SNED1: variants seen among roughly 807,000 people sequenced by gnomAD.
SNED1 encodes the protein sushi, nidogen and EGF-like domain-containing protein 1.
Under a neutral mutation model 166.7 loss-of-function variants are expected in SNED1, and 81 were observed. The ratio of observed to expected loss-of-function variants is 0.49; its 90% CI spans 0.41 to 0.58. The LOEUF is 0.58. Among genes scored for constraint, SNED1 ranks in the 20% least tolerant of loss-of-function variants. The pLI is 0.00. For missense variants in SNED1, 1,604 were observed against 2,000.2 expected (o/e 0.80, Z 3.78); for synonymous variants, 762 against 822.0 (o/e 0.93, Z 1.25).
intron 2 of SNED1, among the ~76,000 whole-genome samples, chr2:241,032,242 C>T (rs928525535): frequency 4.0e-5 from 6 of 151,878 alleles, no homozygotes; most frequent in Non-Finnish European, 8.8e-5. Context: ...CCCAGCTACT[C>T]GGGAGGCTGA....
At position 240,999,177 on chromosome 2, in the gene SNED1, T is replaced by G. The variant is rs2060001248; in HGVS notation, c.213+127T>G. The G allele has an allele frequency of 4.4e-6, 2 of 456,506 alleles. No individual in the cohort carries two copies. 28.3% of individuals were successfully genotyped at this position (456,506 alleles called of 1,614,324 possible). ...GGCACCGGGGCGGCCCGAGGTGGAA[T>G]GAGGACAGCGCTTCCTCCTCGGCGG... On this transcript the variant is annotated intron_variant, in intron 1 of 31. Coordinates refer to ENST00000310397, the MANE Select transcript of SNED1 (RefSeq NM_001080437.3). The surrounding 1 kb of genome is among the most constrained non-coding windows in gnomAD (Gnocchi z 5.8).
At chr2:241,049,676 G>A (rs953416283) in intron 11 of SNED1, 141 bp from the exon 12 acceptor site, 1 of 633,568 alleles carries the variant, frequency 1.6e-6, no homozygotes, top group Non-Finnish European at 2.8e-6. Context: ...GAATCAAGAT[G>A]CCCACAGAGT....
rs1021508524 is a variant in SNED1, at chr2:241,095,414, A to T, written c.*3778A>T. On this transcript the variant is annotated 3_prime_UTR_variant, in exon 32 of 32. Coordinates refer to ENST00000310397, the MANE Select transcript of SNED1 (RefSeq NM_001080437.3). ...TTGCTGGCCTTAAGAAGCCATGCAAAATTAACCAGTACATCATGAATTAAC... is the reference window on the plus strand; with the variant it reads ...TTGCTGGCCTTAAGAAGCCATGCAATATTAACCAGTACATCATGAATTAAC... 2 of 152,856 alleles carry T rather than the reference A, an allele frequency of 1.3e-5. No homozygotes were observed. Among genetic ancestry groups the T allele is most frequent in the Non-Finnish European group, 2.9e-5 (2 of 68,188 alleles). The allele number at this position is 152,856 out of a possible 1,614,324, so 9.5% of individuals were successfully genotyped here.
rs369863250 is a variant in SNED1, at chr2:241,087,540, C to CA, written c.4205+65_4205+66insA. On this transcript the variant is annotated intron_variant, in intron 30 of 31. Transcript: ENST00000310397. ...AGCCCACAGGGTGATGGGGCAAGGG[C>CA]GGGGTGCTATGGGATGCTGCAGGCC... is the stretch of plus-strand genomic sequence containing the variant. 6.4e-5 allele frequency: 98 copies of CA among 1,533,792 alleles called. No individual in the cohort carries two copies. The African/African-American group carries it at 1.2e-3, about 18-fold the overall frequency.
intron 1 of SNED1, among the ~76,000 whole-genome samples, chr2:241,003,633 A>G (rs2060136546): frequency 2.6e-5 from 4 of 152,330 alleles, no homozygotes. Flanking sequence ...GGCCTGACCC[A>G]TGGCACAGGC....
chr2:240,998,697 C>CGCGGAGCCCCCGACGGCGCGGCCA lies in SNED1; in HGVS notation c.-136_-113dup. ...GCGGCCCGGCCGAACGGGCGCGGGA[C>CGCGGAGCCCCCGACGGCGCGGCCA]GCGGAGCCCCCGACGGCGCGGCCAG... On this transcript the variant is annotated 5_prime_UTR_variant, in exon 1 of 32. Transcript: ENST00000310397. The CGCGGAGCCCCCGACGGCGCGGCCA allele has an allele frequency of 1.1e-5, 2 of 175,984 alleles. No individual in the cohort carries two copies. Among genetic ancestry groups the CGCGGAGCCCCCGACGGCGCGGCCA allele is most frequent in the South Asian group, 3.7e-4 (2 of 5,336 alleles). The allele number at this position is 175,984 out of a possible 1,614,324, so 10.9% of individuals were successfully genotyped here.
intron 16 of SNED1, among the ~76,000 whole-genome samples, chr2:241,060,475 C>T (rs755323655): frequency 6.6e-6 from 1 of 152,142 alleles, no homozygotes; most frequent in Non-Finnish European, 1.5e-5. Flanking sequence ...AGCCACCATG[C>T]CCGTCCCTAA....
chr2:241,068,777 A>C lies in SNED1; in HGVS notation c.3195-134A>C. 1 of 636,670 alleles carries C rather than the reference A, an allele frequency of 1.6e-6. No individual in the cohort carries two copies. Among genetic ancestry groups the C allele is most frequent in the East Asian group, 2.8e-5 (1 of 35,682 alleles). The allele number at this position is 636,670 out of a possible 1,614,324, so 39.4% of individuals were successfully genotyped here. A position where few individuals can be genotyped will look rare whatever the true frequency, so the allele number is the denominator to read the frequency against. ...AGGGCCATGAGTCTGCCCCTCGTGGAGGTTGCCTGGGCCACCAGCAGCAGG... is the reference window on the plus strand; with the variant it reads ...AGGGCCATGAGTCTGCCCCTCGTGGCGGTTGCCTGGGCCACCAGCAGCAGG... On this transcript the variant is annotated intron_variant, in intron 22 of 31. Transcript: ENST00000310397. This position sits in a 1 kb window ranked among gnomAD's most constrained non-coding sequence, Gnocchi z 5.3.
At chr2:241,025,824 G>A (rs1339232160) in intron 1 of SNED1, among the ~76,000 whole-genome samples, 1 of 151,918 alleles carries the variant, frequency 6.6e-6, no homozygotes, top group African/African-American at 2.4e-5. Context: ...TTGTATATGA[G>A]AAGTCAGCTG....
At chr2:241,005,877 T>C (rs1240953487) in intron 1 of SNED1, among the ~76,000 whole-genome samples, 1 of 152,118 alleles carries the variant, frequency 6.6e-6, no homozygotes, top group Non-Finnish European at 1.5e-5. Context: ...GTTGTAGGGC[T>C]TTAAAAATAT....
intron 1 of SNED1, among the ~76,000 whole-genome samples, chr2:241,006,631 T>A (rs2060228495): frequency 6.6e-6 from 1 of 152,248 alleles, no homozygotes; most frequent in South Asian, 2.1e-4. Context: ...ATAGCACATA[T>A]TTCCGTGTGT....
At chr2:241,027,719 T>C (rs894757431) in intron 1 of SNED1, among the ~76,000 whole-genome samples, 1 of 151,566 alleles carries the variant, frequency 6.6e-6, no homozygotes, top group African/African-American at 2.4e-5. Context: ...CACCAACCCT[T>C]GTTATTTTCT....
At chr2:241,081,348 C>T (rs1270267228) in intron 27 of SNED1, among the ~76,000 whole-genome samples, 1 of 152,180 alleles carries the variant, frequency 6.6e-6, no homozygotes, top group Non-Finnish European at 1.5e-5. Context: ...GGCCACAGGC[C>T]AGTGGGGGCT....
At chr2:241,012,878 C>G (rs1367163318) in intron 1 of SNED1, among the ~76,000 whole-genome samples, 1 of 150,414 alleles carries the variant, frequency 6.6e-6, no homozygotes, top group South Asian at 2.1e-4. Context: ...CTCTTTCGCC[C>G]AGGCTGGAGT....
At position 241,059,119 on chromosome 2, in the gene SNED1, G is replaced by A. The variant is rs527896122; in HGVS notation, c.2258-3672G>A. 7.2e-5 allele frequency among the ~76,000 whole-genome samples: 11 copies of A among 152,326 alleles called. 1 individual carries two copies. Among genetic ancestry groups the A allele is most frequent in the African/African-American group, 2.6e-4 (11 of 41,570 alleles). ...ACTTAAAGGACAAGAGAACACCTAT[G>A]AGCAATTTTAGGCCAATGTATCTGA... On this transcript the variant is annotated intron_variant, in intron 16 of 31. Transcript: ENST00000310397.
chr2:241,091,544 G>C lies in SNED1; in HGVS notation c.*2-94G>C, dbSNP rs916516666. The C allele has an allele frequency of 3.0e-5, 4 of 133,926 alleles. No individual in the cohort carries two copies. The highest frequency in any genetic ancestry group is 1.3e-4 in the African/African-American group (4 of 29,782). The allele number at this position is 133,926 out of a possible 1,614,324, so 8.3% of individuals were successfully genotyped here. ...GGGTCCTCTGGGTGACAGAGGCCCTGAGGGCCACTAAGAGAAGCAGGAAGC... is the reference window on the plus strand; with the variant it reads ...GGGTCCTCTGGGTGACAGAGGCCCTCAGGGCCACTAAGAGAAGCAGGAAGC... On this transcript the variant is annotated intron_variant, in intron 31 of 31. Coordinates refer to ENST00000310397, the MANE Select transcript of SNED1 (RefSeq NM_001080437.3). This position sits in a 1 kb window ranked among gnomAD's most constrained non-coding sequence, Gnocchi z 4.1.
upstream of SNED1, among the ~76,000 whole-genome samples, chr2:240,998,544 C>T (rs1248125785): frequency 1.3e-5 from 2 of 152,040 alleles, no homozygotes; most frequent in East Asian, 1.9e-4. Context: ...TAAGAGACGC[C>T]CGATTTGCAT....
chr2:241,085,860 C>CTTTTTT (rs772995766), intron 29 of SNED1, among the ~76,000 whole-genome samples: 32 of 79,150 alleles, frequency 4.0e-4, no homozygotes, highest in Non-Finnish European at 5.0e-4. Flanking sequence ...TCTGCGGTTT[C>CTTTTTT]TTTTTTTTTT....
intron 24 of SNED1, 46 bp downstream of exon 24, chr2:241,070,247 G>GCCCTCCA: frequency 1.9e-6 from 3 of 1,549,898 alleles, no homozygotes; most frequent in Non-Finnish European, 2.6e-6. Context: ...GTGTTTGCCA[G>GCCCTCCA]CCCTCCACCC....
Sources: gnomAD v4.1 joint callset for allele counts (sites outside exome capture counted in the v4.1 genomes callset) on GRCh38, gnomAD v4.1.1 for gene constraint, Gnocchi (gnomAD v3.1) non-coding constraint, MANE v1.5 for transcripts, NCBI Gene and HGNC (gene_info 2026-07-23, HGNC 2026-07-21) for gene names.